The following CETP variants were observed in gnomAD, a reference collection of about 807,000 sequenced individuals.
CETP encodes BPI fold containing family F.
In CETP, 56 loss-of-function variants were observed where a neutral mutation model predicts 66.5. The observed-to-expected ratio is 0.84, with a 90% CI of 0.68 to 1.05. CETP has a LOEUF of 1.05. Ranked by LOEUF, CETP falls within the 50% of genes least tolerant of loss-of-function variation. The pLI is 0.00. For missense variants in CETP, 612 were observed against 609.6 expected, an observed-to-expected ratio of 1.00 and a Z score of -0.04; for synonymous variants, 251 against 245.7, an observed-to-expected ratio of 1.02 and a Z score of -0.20.
At chr16:56,967,363 C>CAAA (rs1235736181) in intron 2 of CETP, among the ~76,000 whole-genome samples, 1 of 94,624 alleles carries the variant, frequency 1.1e-5, no homozygotes, top group East Asian at 2.7e-4. Flanking sequence ...AACAAACAAA[C>CAAA]AAAAAAAACG....
intron 2 of CETP, among the ~76,000 whole-genome samples, chr16:56,966,784 T>TAA (rs1567469940): frequency 4.7e-5 from 7 of 148,450 alleles, no homozygotes; most frequent in South Asian, 4.2e-4. Flanking sequence ...TTTTTTTTTT[T>TAA]ATGCATTTTT....
At position 56,962,066 on chromosome 16, in the gene CETP, G is replaced by A; in HGVS notation, c.87G>A (p.Val29=). ...GCACCTCGCACGAGGCAGGCATCGT[G>A]TGCCGCATCACCAAGCCTGCCCTCC... ...SKGTSHEAGI[V]CRITKPALLV... is the part of the protein sequence containing the mutation. The change falls in exon 1 of 16, where the codon GTG becomes GTA. Residue 29 remains valine (V), a synonymous_variant. Coordinates refer to ENST00000200676, the MANE Select transcript of CETP (RefSeq NM_000078.3). The A allele has an allele frequency of 6.2e-7, 1 of 1,614,122 alleles. No individual in the cohort carries two copies.
In CETP at chr16:56,962,233, G is replaced by A. The variant is rs762928439; in HGVS notation, c.118+136G>A. 19 of 800,888 alleles carry A rather than the reference G, an allele frequency of 2.4e-5. No homozygotes were observed. The South Asian group carries it at 2.6e-4, about 11-fold the overall frequency. 49.6% of individuals were successfully genotyped at this position (800,888 alleles called of 1,614,324 possible). A position where few individuals can be genotyped will look rare whatever the true frequency, so the allele number is the denominator to read the frequency against. On this transcript the variant is annotated intron_variant, in intron 1 of 15. Transcript: ENST00000200676. The stretch of plus-strand genomic sequence containing the variant: ...CCAGAGAGAGGAGTGCCCTGGGAGG[G>A]AGATGGGCTGAGTGGAGCTGTCATC...
intron 11 of CETP, among the ~76,000 whole-genome samples, chr16:56,978,548 A>G (rs528632757): frequency 3.4e-4 from 51 of 151,314 alleles, no homozygotes; most frequent in Non-Finnish European, 6.3e-4. Context: ...CCTCACACTC[A>G]TAGCTCACTG....
chr16:56,973,501 C>T lies in CETP; in HGVS notation c.921C>T (p.Asp307=), dbSNP rs28381708. 9.6e-4 allele frequency: 1,555 copies of T among 1,614,078 alleles called. 8 individuals carry two copies. The highest frequency in any genetic ancestry group is 1.2e-3 in the Non-Finnish European group (1,368 of 1,180,020). ...DGRLMLSLMG[D]EFKAVLETWG... is the part of the protein sequence containing the mutation. Reference sequence around the variant, plus strand: ...GCCTCATGCTCAGCCTGATGGGAGACGAGTTCAAGGTGAGTGGGTGGGGCT... The same window carrying T: ...GCCTCATGCTCAGCCTGATGGGAGATGAGTTCAAGGTGAGTGGGTGGGGCT... The change falls in exon 9 of 16, where the codon GAC becomes GAT. Residue 307 remains aspartate (D), a synonymous_variant. Coordinates refer to ENST00000200676, the MANE Select transcript of CETP (RefSeq NM_000078.3).
intron 11 of CETP, among the ~76,000 whole-genome samples, chr16:56,979,435 T>G (rs1567475354): frequency 6.6e-6 from 1 of 152,200 alleles, no homozygotes; most frequent in African/African-American, 2.4e-5. Context: ...AACTTGTAGT[T>G]TTCAGATCCT....
intron 8 of CETP, among the ~76,000 whole-genome samples, chr16:56,972,809 C>A (rs2056121901): frequency 6.6e-6 from 1 of 152,224 alleles, no homozygotes; most frequent in African/African-American, 2.4e-5. Flanking sequence ...GCGGACCCAG[C>A]CATCTTTGTA....
intron 2 of CETP, among the ~76,000 whole-genome samples, chr16:56,968,249 G>A (rs1449791666): frequency 6.6e-6 from 1 of 151,882 alleles, no homozygotes; most frequent in Admixed American, 6.6e-5. Context: ...GTAATGGCGC[G>A]ATCTCAGCTC....
At chr16:56,981,039 C>G in intron 11 of CETP, 119 bp from the exon 12 acceptor site, 1 of 802,464 alleles carries the variant, frequency 1.2e-6, no homozygotes, top group Non-Finnish European at 2.2e-6. Flanking sequence ...GCCTGGTTCC[C>G]GTGTCATCCT....
In CETP at chr16:56,975,120, G is replaced by C; in HGVS notation, c.950G>C (p.Gly317Ala). Reference sequence around the variant, plus strand: ...TTTCAGGCAGTGCTGGAGACCTGGGGCTTCAACACCAACCAGGAAATCTTC... The same window carrying C: ...TTTCAGGCAGTGCTGGAGACCTGGGCCTTCAACACCAACCAGGAAATCTTC... ...DEFKAVLETW[G>A]FNTNQEIFQE... Residue 317 changes from glycine (G) to alanine (A), a missense_variant, in exon 10 of 16, where the codon GGC becomes GCC. Coordinates refer to ENST00000200676, the MANE Select transcript of CETP (RefSeq NM_000078.3). 6.2e-7 allele frequency: 1 copy of C among 1,614,116 alleles called. No homozygotes were observed.
At chr16:56,964,391 G>C (rs1220143606) in intron 2 of CETP, among the ~76,000 whole-genome samples, 1 of 152,152 alleles carries the variant, frequency 6.6e-6, no homozygotes, top group Non-Finnish European at 1.5e-5. Context: ...TCGCCCGGAT[G>C]ACCCTGCTTA....
At chr16:56,971,937 G>A in intron 7 of CETP, 55 bp from the exon 8 acceptor site, 1 of 1,470,694 alleles carries the variant, frequency 6.8e-7, no homozygotes, top group South Asian at 1.1e-5. Flanking sequence ...GGGGAGCGGT[G>A]ACTCAGGGCA....
At chr16:56,973,708 T>C (rs2056130080) in intron 9 of CETP, among the ~76,000 whole-genome samples, 198 bp downstream of exon 9, 1 of 152,212 alleles carries the variant, frequency 6.6e-6, no homozygotes, top group African/African-American at 2.4e-5. Context: ...GGCTGAGATG[T>C]AGCAGGACGA....
intron 10 of CETP, 72 bp downstream of exon 10, chr16:56,975,223 A>G: frequency 1.5e-6 from 2 of 1,337,726 alleles, no homozygotes; most frequent in South Asian, 1.2e-5. Flanking sequence ...AAGAGCCCCC[A>G]CACAGCCAAT....
In CETP at chr16:56,962,023, C is replaced by G. The variant is rs34065661; in HGVS notation, c.44C>G (p.Ala15Gly). Residue 15 changes from alanine (A) to glycine (G), a missense_variant, in exon 1 of 16, where the codon GCC (alanine) becomes GGC (glycine). Ala to Gly is a moderately conservative substitution (Grantham distance 60, BLOSUM62 0). Coordinates refer to ENST00000200676, the MANE Select transcript of CETP (RefSeq NM_000078.3). ...TVLTLALLGN[A>G]HACSKGTSHE... Reference sequence around the variant, plus strand: ...CTGACCCTGGCCCTGCTGGGCAATGCCCATGCCTGCTCCAAAGGCACCTCG... The same window carrying G: ...CTGACCCTGGCCCTGCTGGGCAATGGCCATGCCTGCTCCAAAGGCACCTCG... 6,517 of 1,614,066 alleles carry G rather than the reference C, an allele frequency of 4.0e-3. 202 individuals carry two copies. The African/African-American group carries it at 0.068, about 17-fold the overall frequency.
intron 9 of CETP, among the ~76,000 whole-genome samples, 193 bp downstream of exon 9, chr16:56,973,703 A>C (rs1481435195): frequency 4.6e-5 from 7 of 152,226 alleles, no homozygotes; most frequent in Admixed American, 4.6e-4. Flanking sequence ...TGGGAGGCTG[A>C]GATGTAGCAG....
At chr16:56,976,423 TG>T (rs2056150467) in intron 10 of CETP, among the ~76,000 whole-genome samples, 1 of 152,184 alleles carries the variant, frequency 6.6e-6, no homozygotes, top group Non-Finnish European at 1.5e-5. Flanking sequence ...ACTGTTTAGT[TG>T]AAAGTTGACG....
At chr16:56,982,068 G>T in intron 13 of CETP, 97 bp from the exon 14 acceptor site, 1 of 1,138,122 alleles carries the variant, frequency 8.8e-7, no homozygotes. Flanking sequence ...TTCACGGATG[G>T]GCATGAGGAT....
At chr16:56,964,799 A>T (rs2056054291) in intron 2 of CETP, among the ~76,000 whole-genome samples, 1 of 152,236 alleles carries the variant, frequency 6.6e-6, no homozygotes, top group African/African-American at 2.4e-5. Flanking sequence ...TCGCGCAGCC[A>T]CGCCCTCTGT....
Sources: allele counts gnomAD v4.1 joint callset (sites outside exome capture counted in the v4.1 genomes callset), GRCh38; gene constraint gnomAD v4.1.1; transcripts MANE v1.5; gene names NCBI Gene and HGNC (gene_info 2026-07-23, HGNC 2026-07-21).